The following HNF4G variants were observed in gnomAD, a reference collection of about 807,000 sequenced individuals.
HNF4G encodes hepatocyte nuclear factor 4 gamma.
A neutral mutation model predicts 50.9 loss-of-function variants in HNF4G; 21 were observed. The observed-to-expected ratio is 0.41, with a 90% CI of 0.29 to 0.59. The LOEUF is 0.59. HNF4G is among the 20% of genes least tolerant of loss of function. The pLI, the probability that HNF4G is intolerant of heterozygous loss-of-function variation, is 0.26. For synonymous variants in HNF4G, 198 were observed against 185.6 expected (o/e 1.07, Z -0.54); for missense variants, 527 against 559.4 (o/e 0.94, Z 0.58).
intron 2 of HNF4G, among the ~76,000 whole-genome samples, chr8:75,508,484 T>A (rs990569380): frequency 2.6e-5 from 4 of 152,144 alleles, no homozygotes; most frequent in African/African-American, 9.7e-5. Context: ...ATGAAAAATT[T>A]ATTAAATCTC....
chr8:75,543,770 T>C, intron 1 of HNF4G, 41 bp from the exon 2 acceptor site: 1 of 1,521,218 alleles, frequency 6.6e-7, no homozygotes, highest in Non-Finnish European at 9.0e-7. Context: ...AGTCAGGAAA[T>C]AGTACTAACT....
At chr8:75,509,270 G>A (rs2130721969) in intron 2 of HNF4G, among the ~76,000 whole-genome samples, 1 of 152,242 alleles carries the variant, frequency 6.6e-6, no homozygotes, top group East Asian at 1.9e-4. Flanking sequence ...GAAGAGCTAA[G>A]GACTGAGCCA....
intron 2 of HNF4G, among the ~76,000 whole-genome samples, chr8:75,497,214 T>C (rs1210511602): frequency 6.6e-6 from 1 of 152,128 alleles, no homozygotes; most frequent in Admixed American, 6.6e-5. Flanking sequence ...TTTGTGTTTT[T>C]GGGTCATTAA....
intron 2 of HNF4G, among the ~76,000 whole-genome samples, chr8:75,501,856 A>ATT (rs11400950): frequency 8.3e-6 from 1 of 120,622 alleles, no homozygotes; most frequent in Non-Finnish European, 1.7e-5. Context: ...TACCTAAAGT[A>ATT]TTTTTTTTTT....
intron 5 of HNF4G, among the ~76,000 whole-genome samples, chr8:75,553,909 C>A (rs190674218): frequency 1.3e-5 from 2 of 151,920 alleles, no homozygotes; most frequent in Non-Finnish European, 2.9e-5. Context: ...CCTAATTGTA[C>A]TATAAAGATA....
At chr8:75,494,628 T>C (rs1474772413) in intron 2 of HNF4G, among the ~76,000 whole-genome samples, 1 of 152,142 alleles carries the variant, frequency 6.6e-6, no homozygotes, top group Non-Finnish European at 1.5e-5. Flanking sequence ...TGTGGTTTAT[T>C]AGTTCTTGAA....
chr8:75,534,869 A>T, upstream of HNF4G, among the ~76,000 whole-genome samples: 1 of 151,982 alleles, frequency 6.6e-6, no homozygotes, highest in East Asian at 1.9e-4. Flanking sequence ...CTGTATTATT[A>T]TAATAAAACT....
At chr8:75,503,371 T>C (rs1351570056) in intron 2 of HNF4G, among the ~76,000 whole-genome samples, 1 of 152,142 alleles carries the variant, frequency 6.6e-6, no homozygotes, top group African/African-American at 2.4e-5. Flanking sequence ...ATGTCACAGA[T>C]TGATCACTTA....
intron 1 of HNF4G, among the ~76,000 whole-genome samples, chr8:75,443,455 G>A (rs776035710): frequency 4.6e-5 from 7 of 152,082 alleles, no homozygotes; most frequent in African/African-American, 9.7e-5. Context: ...CAAGTTATAC[G>A]TTGGTAGTCA....
chr8:75,512,425 A>G (rs1338199044), intron 2 of HNF4G, among the ~76,000 whole-genome samples: 1 of 144,638 alleles, frequency 6.9e-6, no homozygotes, highest in Non-Finnish European at 1.5e-5. Context: ...TTAGATAAAC[A>G]TCTTTATTAT....
chr8:75,504,265 ACAC>A, intron 2 of HNF4G, among the ~76,000 whole-genome samples: 1 of 125,764 alleles, frequency 8.0e-6, no homozygotes, highest in East Asian at 2.0e-4. Flanking sequence ...ACACACACAC[ACAC>A]ACACACACCA....
chr8:75,409,608 C>A (rs751178958), intron 1 of HNF4G, among the ~76,000 whole-genome samples: 1 of 150,956 alleles, frequency 6.6e-6, no homozygotes, highest in Non-Finnish European at 1.5e-5. Flanking sequence ...CCTTCCTCAG[C>A]CTCCAGAGTA....
intron 2 of HNF4G, among the ~76,000 whole-genome samples, chr8:75,510,467 A>G (rs1275256878): frequency 1.3e-5 from 2 of 152,210 alleles, no homozygotes; most frequent in Non-Finnish European, 2.9e-5. Flanking sequence ...TCACTGACTT[A>G]CCCAGAGCAA....
chr8:75,533,499 G>A (rs1806382978), intron 2 of HNF4G, among the ~76,000 whole-genome samples: 1 of 151,894 alleles, frequency 6.6e-6, no homozygotes, highest in Admixed American at 6.6e-5. Context: ...TTTCTTACTT[G>A]AGAGTGATAA....
In HNF4G at chr8:75,512,444, C is replaced by CTATTAT. The variant is rs1222280289; in HGVS notation, c.-24+22241_-24+22242insTTATTA. 3.8e-5 allele frequency among the ~76,000 whole-genome samples: 4 copies of CTATTAT among 105,026 alleles called. No individual in the cohort carries two copies. In the East Asian group the frequency reaches 9.2e-4, roughly 24 times the overall value. 68.9% of individuals were successfully genotyped at this position (105,026 alleles called of 152,430 possible). The stretch of plus-strand genomic sequence containing the variant: ...ATAAACATCTTTATTATTATTATTA[C>CTATTAT]TATTACTATTATTATTATTATTATT... On this transcript the variant is annotated intron_variant, in intron 2 of 10. Transcript: ENST00000354370.
At chr8:75,553,323 G>A in intron 5 of HNF4G, 126 bp downstream of exon 5, 1 of 742,566 alleles carries the variant, frequency 1.3e-6, no homozygotes, top group South Asian at 2.2e-5. Context: ...TAAATTAGGA[G>A]GAAGGATTGG....
At chr8:75,412,613 A>G (rs968950270) in intron 1 of HNF4G, among the ~76,000 whole-genome samples, 1 of 152,150 alleles carries the variant, frequency 6.6e-6, no homozygotes, top group African/African-American at 2.4e-5. Flanking sequence ...GGATCTGACA[A>G]TTTAATGTTT....
At chr8:75,507,299 G>A (rs13275965) in intron 2 of HNF4G, among the ~76,000 whole-genome samples, 44,386 of 145,974 alleles carry the variant, frequency 0.3, 6,833 homozygotes, top group South Asian at 0.38. Flanking sequence ...TCGCTCTCTC[G>A]CCCAGGCTGG....
intron 1 of HNF4G, among the ~76,000 whole-genome samples, chr8:75,419,015 C>CT (rs1181636083): frequency 6.6e-6 from 1 of 152,202 alleles, no homozygotes; most frequent in Non-Finnish European, 1.5e-5. Context: ...GCGTGAGCCA[C>CT]TGCACCTGCC....
Sources: gnomAD v4.1 joint callset for allele counts (sites outside exome capture counted in the v4.1 genomes callset) on GRCh38, gnomAD v4.1.1 for gene constraint, MANE v1.5 for transcripts, NCBI Gene and HGNC (gene_info 2026-07-23, HGNC 2026-07-21) for gene names.